SYNE1: variants seen among roughly 807,000 people sequenced by gnomAD.
SYNE1 encodes the protein nesprin-1.
SYNE1 carries 616 observed loss-of-function variants against 1,111.0 expected under a neutral mutation model. The ratio of observed to expected loss-of-function variants is 0.55; its 90% CI spans 0.52 to 0.59. The LOEUF (loss-of-function observed/expected upper bound fraction) is 0.59, where lower values mean the gene tolerates loss of function less well. SYNE1 is among the 20% of genes least tolerant of loss of function. The pLI, the probability that SYNE1 is intolerant of heterozygous loss-of-function variation, is 0.00. For missense variants in SYNE1, 10,006 were observed against 10,417.0 expected (o/e 0.96, Z 1.72); for synonymous variants, 3,855 against 3,825.8 (o/e 1.01, Z -0.28).
chr6:152,451,095 G>A lies in SYNE1; in HGVS notation c.3138C>T (p.Thr1046=), dbSNP rs763453070. 1 of 1,614,072 alleles carries A rather than the reference G, an allele frequency of 6.2e-7. No homozygotes were observed. Among genetic ancestry groups the A allele is most frequent in the South Asian group, 1.1e-5 (1 of 91,080 alleles). Residue 1046 remains threonine, a synonymous_variant, in exon 26 of 146, where the codon ACC becomes ACT. Coordinates refer to ENST00000367255, the MANE Select transcript of SYNE1 (RefSeq NM_182961.4). ...CACTGCCTTCCTGGGGCATCAGCTT[G>A]GTCTCTCGATCCAGCTCAGTTCTGC... The part of the protein sequence containing the change: ...EECRTELDRE[T]KLMPQEGSEK...
At chr6:152,144,401 A>G (rs929186638) in intron 137 of SYNE1, 45 of 158,140 alleles carry the variant, frequency 2.8e-4, no homozygotes, top group Middle Eastern at 3.3e-3. Flanking sequence ...ATTTCCATCT[A>G]GGCAGGTTCT....
intron 3 of SYNE1, among the ~76,000 whole-genome samples, chr6:152,627,674 G>A (rs2099688563): frequency 1.3e-5 from 2 of 152,122 alleles, no homozygotes; most frequent in African/African-American, 4.8e-5. Context: ...ATCAAAAGCA[G>A]AGAAGAGAAC....
At chr6:152,342,141 G>A (rs7759171) in intron 74 of SYNE1, among the ~76,000 whole-genome samples, 70,844 of 152,042 alleles carry the variant, frequency 0.47, 16,576 homozygotes, top group East Asian at 0.56. Flanking sequence ...ATACAGTCAC[G>A]TAATCTGGAA....
intron 16 of SYNE1, among the ~76,000 whole-genome samples, chr6:152,469,710 C>T (rs1000077783): frequency 2.0e-5 from 3 of 152,084 alleles, no homozygotes; most frequent in Admixed American, 6.6e-5. Context: ...ATATTCAGCA[C>T]TTAAGCTCAA....
intron 56 of SYNE1, among the ~76,000 whole-genome samples, chr6:152,378,172 A>C (rs1260913801): frequency 6.6e-6 from 1 of 152,216 alleles, no homozygotes; most frequent in Non-Finnish European, 1.5e-5. Flanking sequence ...TGACTCCCAA[A>C]TATGTAAACA....
intron 130 of SYNE1, among the ~76,000 whole-genome samples, chr6:152,173,577 A>ATAAT (rs2065718335): frequency 6.6e-6 from 1 of 152,218 alleles, no homozygotes; most frequent in African/African-American, 2.4e-5. Context: ...GCACTAACGA[A>ATAAT]GCACCAATAA....
intron 3 of SYNE1, among the ~76,000 whole-genome samples, chr6:152,624,856 T>A (rs2099682676): frequency 6.6e-6 from 1 of 152,084 alleles, no homozygotes; most frequent in Admixed American, 6.6e-5. Flanking sequence ...GAAATAAAAA[T>A]TAAAAGCAGG....
intron 129 of SYNE1, among the ~76,000 whole-genome samples, chr6:152,177,590 C>A (rs1012946705): frequency 6.6e-6 from 1 of 152,104 alleles, no homozygotes; most frequent in Non-Finnish European, 1.5e-5. Context: ...TGGTAGGGAC[C>A]AACAAAACTT....
intron 54 of SYNE1, among the ~76,000 whole-genome samples, chr6:152,386,458 G>C (rs2154125450): frequency 6.6e-6 from 1 of 152,170 alleles, no homozygotes; most frequent in South Asian, 2.1e-4. Flanking sequence ...GAAGAAAAGA[G>C]TCAGTTCCCA....
chr6:152,455,589 C>T lies in SYNE1; in HGVS notation c.2729G>A (p.Ser910Asn). Residue 910 changes from serine to asparagine, a missense_variant and splice_region_variant, in exon 24 of 146, where the codon AGT becomes AAT. Physicochemically the swap from Ser to Asn is conservative, Grantham distance 46. Around this residue, in one of 7 missense-constraint regions of SYNE1, gnomAD observed 1,971 missense variants for 2,084.1 expected, o/e 0.95. Transcript: ENST00000367255. Reference protein sequence around the residue: ...QIADIHVAFQSMVKKTGDWKK... With the variant: ...QIADIHVAFQNMVKKTGDWKK... ...CCAATCTCCAGTTTTCTTTACCATA[C>T]TCTTGATGTGAAAAACAATCATAAT... 1 of 1,614,142 alleles carries T rather than the reference C, an allele frequency of 6.2e-7. No individual in the cohort carries two copies. Among genetic ancestry groups the T allele is most frequent in the Non-Finnish European group, 8.5e-7 (1 of 1,180,010 alleles).
chr6:152,380,903 T>C, intron 56 of SYNE1, 103 bp downstream of exon 56: 6 of 1,038,612 alleles, frequency 5.8e-6, no homozygotes, highest in Non-Finnish European at 9.1e-6. Context: ...CAAGTGTGCA[T>C]GTTGCGTGTT....
chr6:152,484,685 G>T, intron 13 of SYNE1, 150 bp downstream of exon 13: 1 of 805,152 alleles, frequency 1.2e-6, no homozygotes, highest in South Asian at 1.8e-5. Context: ...AACTAGACAA[G>T]GAGGCAAAGA....
In SYNE1 at chr6:152,151,538, A is replaced by G; in HGVS notation, c.24450+15T>C. 1 of 1,613,694 alleles carries G rather than the reference A, an allele frequency of 6.2e-7. No individual in the cohort carries two copies. The highest frequency in any genetic ancestry group is 8.5e-7 in the Non-Finnish European group (1 of 1,179,906). On this transcript the variant is annotated intron_variant, in intron 135 of 145. Transcript: ENST00000367255. ...GGCTTTCTTCACTTTGGTAACTTGAAAAATAATCTATTACCTTGAGTTGCT... is the reference window on the plus strand; with the variant it reads ...GGCTTTCTTCACTTTGGTAACTTGAGAAATAATCTATTACCTTGAGTTGCT...
intron 11 of SYNE1, among the ~76,000 whole-genome samples, chr6:152,489,613 A>T (rs368352207): frequency 1.3e-5 from 2 of 152,230 alleles, no homozygotes; most frequent in East Asian, 3.9e-4. Flanking sequence ...CATTCTCATG[A>T]TCCATGCCTT....
At chr6:152,236,055 TTAATACAATGCAGCAC>T (rs2083960305) in intron 110 of SYNE1, 36 bp downstream of exon 110, 1 of 1,585,160 alleles carries the variant, frequency 6.3e-7, no homozygotes, top group African/African-American at 1.3e-5. Flanking sequence ...ACTAGCCTTA[TTAATACAATGCAGCAC>T]TTATCTAAAA....
intron 62 of SYNE1, 113 bp downstream of exon 62, chr6:152,367,105 T>G: frequency 9.6e-6 from 13 of 1,351,456 alleles, no homozygotes; most frequent in Non-Finnish European, 1.4e-5. Flanking sequence ...ACAAAGCATC[T>G]GAGATTTATC....
At chr6:152,447,673 A>G (rs1359339886) in intron 28 of SYNE1, 51 bp from the exon 29 acceptor site, 1 of 1,610,582 alleles carries the variant, frequency 6.2e-7, no homozygotes, top group South Asian at 1.1e-5. Flanking sequence ...TGAAATCATA[A>G]CTTTCCAGCA....
In SYNE1 at chr6:152,450,523, A is replaced by G. The variant is rs577630532; in HGVS notation, c.3395+102T>C. On this transcript the variant is annotated intron_variant, in intron 27 of 145. Coordinates refer to ENST00000367255, the MANE Select transcript of SYNE1 (RefSeq NM_182961.4). ...TGAAGGATTTTTGTACGAGAACATG[A>G]GCAAGAAATATGAAATAAGTTATTT... The G allele has an allele frequency of 1.3e-5, 14 of 1,115,378 alleles. No individual in the cohort carries two copies. In the East Asian group the frequency reaches 2.6e-4, roughly 21 times the overall value. The allele number at this position is 1,115,378 out of a possible 1,614,324, so 69.1% of individuals were successfully genotyped here.
chr6:152,336,812 A>G, intron 76 of SYNE1, 29 bp downstream of exon 76: 2 of 1,609,580 alleles, frequency 1.2e-6, no homozygotes, highest in African/African-American at 1.3e-5. Flanking sequence ...GGCCTCTTTT[A>G]TCTCCCTTGG....
Sources: gnomAD v4.1 joint callset for allele counts (sites outside exome capture counted in the v4.1 genomes callset) on GRCh38, gnomAD v4.1.1 for gene constraint, gnomAD v4.1.1 regional missense constraint, MANE v1.5 for transcripts, NCBI Gene and HGNC (gene_info 2026-07-23, HGNC 2026-07-21) for gene names.